The following ADAMTS18 variants were observed in gnomAD, a reference collection of about 807,000 sequenced individuals.
The protein encoded by ADAMTS18 is A disintegrin and metalloproteinase with thrombospondin motifs 18.
Under a neutral mutation model 165.9 loss-of-function variants are expected in ADAMTS18, and 157 were observed. The observed-to-expected ratio is 0.95, with a 90% CI of 0.83 to 1.08. The LOEUF (loss-of-function observed/expected upper bound fraction) is 1.08, where lower values mean the gene tolerates loss of function less well. ADAMTS18 is among the 50% of genes least tolerant of loss of function. The pLI is 0.00. For synonymous variants in ADAMTS18, 782 were observed against 578.2 expected, an observed-to-expected ratio of 1.35 and a Z score of -5.06; for missense variants, 2,040 against 1,534.0, an observed-to-expected ratio of 1.33 and a Z score of -5.51.
intron 15 of ADAMTS18, among the ~76,000 whole-genome samples, chr16:77,320,456 T>C (rs998899767): frequency 1.3e-5 from 2 of 152,090 alleles, no homozygotes; most frequent in African/African-American, 4.8e-5. Flanking sequence ...CTGGCCAGTG[T>C]GGTGAAACCC....
rs1310053656 is a variant in ADAMTS18, at chr16:77,431,395, G to T, written c.395C>A (p.Ala132Asp). ...FIVQVLGKDG[A>D]SETQKPEVQQ... Reference sequence around the variant, plus strand: ...CACCTCGGGTTTCTGAGTCTCTGAAGCACCATCTTTTCCAAGTACCTGGAC... The same window carrying T: ...CACCTCGGGTTTCTGAGTCTCTGAATCACCATCTTTTCCAAGTACCTGGAC... Residue 132 changes from alanine to aspartate, a missense_variant, in exon 3 of 23, where the codon GCT (alanine) becomes GAT (aspartate). By Grantham distance (126) the Ala-to-Asp change is moderately radical. Coordinates refer to ENST00000282849, the MANE Select transcript of ADAMTS18 (RefSeq NM_199355.4). 1 of 1,614,116 alleles carries T rather than the reference G, an allele frequency of 6.2e-7. No individual in the cohort carries two copies. The highest frequency in any genetic ancestry group is 8.5e-7 in the Non-Finnish European group (1 of 1,180,030).
At chr16:77,323,424 C>T (rs553297775) in intron 13 of ADAMTS18, among the ~76,000 whole-genome samples, 1 of 152,196 alleles carries the variant, frequency 6.6e-6, no homozygotes, top group East Asian at 1.9e-4. Flanking sequence ...AAGGTTCTCT[C>T]CCATCTATAA....
intron 9 of ADAMTS18, among the ~76,000 whole-genome samples, chr16:77,354,768 TATC>T (rs1188650524): frequency 6.6e-6 from 1 of 152,256 alleles, no homozygotes; most frequent in Non-Finnish European, 1.5e-5. Flanking sequence ...CTGCTGCTGT[TATC>T]ATTATTATAA....
rs1198922546 is a variant in ADAMTS18, at chr16:77,353,894, G to A, written c.1461-8C>T. 6.2e-7 allele frequency: 1 copy of A among 1,614,086 alleles called. No homozygotes were observed. Among genetic ancestry groups the A allele is most frequent in the Non-Finnish European group, 8.5e-7 (1 of 1,180,006 alleles). Reference sequence around the variant, plus strand: ...CACCCCGCCTGAGGTGTGCTGTAATGACAATACATGCTTATTAATTACTCT... The same window carrying A: ...CACCCCGCCTGAGGTGTGCTGTAATAACAATACATGCTTATTAATTACTCT... On this transcript the variant is annotated splice_polypyrimidine_tract_variant and splice_region_variant and intron_variant, in intron 9 of 22. Coordinates refer to ENST00000282849, the MANE Select transcript of ADAMTS18 (RefSeq NM_199355.4).
intron 15 of ADAMTS18, among the ~76,000 whole-genome samples, chr16:77,320,385 C>A (rs1038922572): frequency 1.3e-5 from 2 of 152,104 alleles, no homozygotes; most frequent in African/African-American, 4.8e-5. Context: ...TTCAAGAAGA[C>A]TTTTCAAAAA....
At chr16:77,298,850 T>C (rs967196775) in intron 17 of ADAMTS18, among the ~76,000 whole-genome samples, 1 of 152,226 alleles carries the variant, frequency 6.6e-6, no homozygotes, top group East Asian at 1.9e-4. Flanking sequence ...TTGACTTTAA[T>C]AGGACTTATT....
At chr16:77,386,221 C>T (rs767284830) in intron 3 of ADAMTS18, among the ~76,000 whole-genome samples, 2 of 152,186 alleles carry the variant, frequency 1.3e-5, no homozygotes, top group Non-Finnish European at 2.9e-5. Context: ...TGCATATTGT[C>T]AGAGCCCAGT....
intron 13 of ADAMTS18, 68 bp downstream of exon 13, chr16:77,325,798 T>C: frequency 6.7e-7 from 1 of 1,488,428 alleles, no homozygotes; most frequent in South Asian, 1.2e-5. Flanking sequence ...CAGCAATTTC[T>C]TCTGTATTGG....
chr16:77,333,063 A>C (rs1411736516), intron 12 of ADAMTS18, among the ~76,000 whole-genome samples: 1 of 152,194 alleles, frequency 6.6e-6, no homozygotes, highest in African/African-American at 2.4e-5. Context: ...CGATAGCACA[A>C]GTATTTAATT....
intron 3 of ADAMTS18, among the ~76,000 whole-genome samples, chr16:77,379,925 G>T (rs1597200070): frequency 6.6e-6 from 1 of 152,258 alleles, no homozygotes; most frequent in East Asian, 1.9e-4. Context: ...GGGCAAAGTT[G>T]ATTTGTCCAA....
intron 16 of ADAMTS18, among the ~76,000 whole-genome samples, chr16:77,307,682 C>A (rs896783674): frequency 8.3e-4 from 126 of 152,298 alleles, no homozygotes; most frequent in African/African-American, 2.9e-3. Flanking sequence ...ACTATTCTAT[C>A]ATCTGTTCTG....
chr16:77,400,244 G>A (rs1447339455), intron 3 of ADAMTS18, among the ~76,000 whole-genome samples: 2 of 152,078 alleles, frequency 1.3e-5, no homozygotes, highest in African/African-American at 4.8e-5. Context: ...GCCTCCAGCA[G>A]ACCACATCCC....
intron 12 of ADAMTS18, among the ~76,000 whole-genome samples, chr16:77,329,299 G>T (rs182564759): frequency 1.3e-5 from 2 of 152,012 alleles, no homozygotes; most frequent in East Asian, 3.9e-4. Context: ...ACAGATGAGG[G>T]GCTGTGTTGC....
At chr16:77,408,055 A>T (rs1370857141) in intron 3 of ADAMTS18, among the ~76,000 whole-genome samples, 1 of 152,130 alleles carries the variant, frequency 6.6e-6, no homozygotes, top group Non-Finnish European at 1.5e-5. Flanking sequence ...ATGGCAAAAA[A>T]CTTAGGGAGA....
chr16:77,303,770 G>A (rs12716826), intron 16 of ADAMTS18, among the ~76,000 whole-genome samples: 110,768 of 152,018 alleles, frequency 0.73, 40,664 homozygotes, highest in Non-Finnish European at 0.78. Context: ...GCGGGGGCTC[G>A]CGCCTGTAAT....
intron 6 of ADAMTS18, among the ~76,000 whole-genome samples, chr16:77,363,481 A>G (rs1413142036): frequency 2.6e-5 from 4 of 152,078 alleles, no homozygotes; most frequent in Admixed American, 6.5e-5. Flanking sequence ...CGAAGCCTAC[A>G]TAAGATTTAT....
chr16:77,357,323 T>A (rs1200786511), intron 8 of ADAMTS18, among the ~76,000 whole-genome samples: 3 of 152,150 alleles, frequency 2.0e-5, no homozygotes, highest in African/African-American at 7.2e-5. Context: ...CTGTATGCTA[T>A]CCTATCAGTG....
At position 77,341,732 on chromosome 16, in the gene ADAMTS18, G is replaced by A. The variant is rs1356430381; in HGVS notation, c.1682C>T (p.Ala561Val). Residue 561 changes from alanine to valine, a missense_variant, in exon 11 of 23, where the codon GCA (alanine) becomes GTA (valine). Ala to Val is a moderately conservative substitution (Grantham distance 64, BLOSUM62 0). Coordinates refer to ENST00000282849, the MANE Select transcript of ADAMTS18 (RefSeq NM_199355.4). ...HRCETKFMPA[A>V]EGTVCGLSMW... The stretch of plus-strand genomic sequence containing the variant: ...ACTCAAGCCACAAACGGTCCCTTCT[G>A]CTGCGGGCATAAACTTGGTCTCACA... The A allele has an allele frequency of 6.2e-7, 1 of 1,613,694 alleles. No individual in the cohort carries two copies. The highest frequency in any genetic ancestry group is 1.3e-5 in the African/African-American group (1 of 74,984).
chr16:77,378,362 A>C lies in ADAMTS18; in HGVS notation c.496-10639T>G, dbSNP rs2056983583. Among the ~76,000 whole-genome samples the C allele has an allele frequency of 6.0e-5, 9 of 149,808 alleles. No homozygotes were observed. The Admixed American group carries it at 6.0e-4, about 10-fold the overall frequency. On this transcript the variant is annotated intron_variant, in intron 3 of 22. Transcript: ENST00000282849. ...AAACAAAAAAAAACAAAAAAAAAAAAAACCAAGCCCTTTACTTAGATGATT... is the reference window on the plus strand; with the variant it reads ...AAACAAAAAAAAACAAAAAAAAAAACAACCAAGCCCTTTACTTAGATGATT...
Sources: allele counts gnomAD v4.1 joint callset (sites outside exome capture counted in the v4.1 genomes callset), GRCh38; gene constraint gnomAD v4.1.1; transcripts MANE v1.5; gene names NCBI Gene and HGNC (gene_info 2026-07-23, HGNC 2026-07-21).